Variants in INPP4A observed in about 807,000 individuals in gnomAD.
INPP4A encodes the protein inositol polyphosphate-4-phosphatase, type I, 107kD.
INPP4A carries 33 observed loss-of-function variants against 119.8 expected under a neutral mutation model. That is an observed-to-expected ratio of 0.28 (90% CI 0.21 to 0.37). The LOEUF (loss-of-function observed/expected upper bound fraction) is 0.37. Among genes scored for constraint, INPP4A ranks in the 10% least tolerant of loss-of-function variants. The pLI is 1.00. For missense variants in INPP4A, 956 were observed against 1,289.9 expected, an observed-to-expected ratio of 0.74 and a Z score of 3.97; for synonymous variants, 496 against 500.7, an observed-to-expected ratio of 0.99 and a Z score of 0.12.
chr2:98,572,551 G>A (rs1697657221), intron 22 of INPP4A, among the ~76,000 whole-genome samples: 1 of 152,260 alleles, frequency 6.6e-6, no homozygotes, highest in African/African-American at 2.4e-5. Flanking sequence ...AAGGAGTCCT[G>A]TAGGTGATTC....
chr2:98,486,672 A>G (rs1487372054), intron 1 of INPP4A, among the ~76,000 whole-genome samples: 1 of 152,262 alleles, frequency 6.6e-6, no homozygotes, highest in Non-Finnish European at 1.5e-5. Flanking sequence ...CAGGAGTAAA[A>G]TTAATTCTTA....
intron 1 of INPP4A, among the ~76,000 whole-genome samples, chr2:98,465,657 C>G (rs1674589167): frequency 6.6e-6 from 1 of 152,212 alleles, no homozygotes; most frequent in Non-Finnish European, 1.5e-5. Context: ...TGGTCCTTTC[C>G]TCTCCCAGAC....
chr2:98,532,983 A>G (rs1559020431), intron 4 of INPP4A, among the ~76,000 whole-genome samples: 1 of 152,206 alleles, frequency 6.6e-6, no homozygotes, highest in Non-Finnish European at 1.5e-5. Context: ...CACAGGATGC[A>G]AGCATGGGTA....
Position 98,460,100 on chromosome 2 carries a change from C to CGTGTGTGT in INPP4A, c.-166+15040_-166+15047dup, listed in dbSNP as rs3066275. 1.3e-3 allele frequency among the ~76,000 whole-genome samples: 198 copies of CGTGTGTGT among 147,106 alleles called. 1 individual carries two copies. The highest frequency in any genetic ancestry group is 4.9e-3 in the African/African-American group (193 of 39,760). Reference sequence around the variant, plus strand: ...GTGCCACACCTTTGGGTTTGGTCATCGTGTGTGTGTGTGTGTGTGTGTGTG... The same window carrying CGTGTGTGT: ...GTGCCACACCTTTGGGTTTGGTCATCGTGTGTGTGTGTGTGTGTGTGTGTGTGTGTGTG... On this transcript the variant is annotated intron_variant, in intron 1 of 24. Transcript: ENST00000409851.
chr2:98,467,986 C>T (rs1004363691), intron 1 of INPP4A, among the ~76,000 whole-genome samples: 4 of 152,094 alleles, frequency 2.6e-5, no homozygotes, highest in African/African-American at 9.7e-5. Flanking sequence ...TTTTAGAGTA[C>T]AGCCTGTTGG....
chr2:98,498,688 C>T (rs1682532711), intron 1 of INPP4A, among the ~76,000 whole-genome samples: 2 of 152,062 alleles, frequency 1.3e-5, no homozygotes, highest in Admixed American at 6.6e-5. Context: ...AGTACTAACC[C>T]CCAATGTGAC....
intron 1 of INPP4A, among the ~76,000 whole-genome samples, chr2:98,450,353 G>T (rs1410575283): frequency 1.3e-5 from 2 of 152,128 alleles, no homozygotes; most frequent in Non-Finnish European, 2.9e-5. Context: ...TGATTACCTG[G>T]ATTTGCCAGT....
At chr2:98,477,533 A>G (rs867334104) in intron 1 of INPP4A, among the ~76,000 whole-genome samples, 3 of 152,234 alleles carry the variant, frequency 2.0e-5, no homozygotes, top group African/African-American at 4.8e-5. Flanking sequence ...CAGAGCCTCA[A>G]TGTCGGCGAG....
chr2:98,477,021 G>GTAA (rs1171788674), intron 1 of INPP4A, among the ~76,000 whole-genome samples: 2 of 152,198 alleles, frequency 1.3e-5, no homozygotes, highest in Non-Finnish European at 2.9e-5. Flanking sequence ...AGCAGGAGTG[G>GTAA]TAGTAGTAAT....
intron 1 of INPP4A, among the ~76,000 whole-genome samples, chr2:98,460,626 A>T (rs1456333405): frequency 6.6e-6 from 1 of 152,160 alleles, no homozygotes; most frequent in African/African-American, 2.4e-5. Flanking sequence ...CCTGTGCTCT[A>T]ACCACCAGTT....
chr2:98,518,196 C>G (rs1285267339), intron 1 of INPP4A, among the ~76,000 whole-genome samples: 1 of 152,210 alleles, frequency 6.6e-6, no homozygotes, highest in East Asian at 1.9e-4. Flanking sequence ...CACTTGTGTG[C>G]CTTTTGACGT....
intron 5 of INPP4A, among the ~76,000 whole-genome samples, chr2:98,534,359 G>A (rs1317889063): frequency 6.6e-6 from 1 of 152,198 alleles, no homozygotes; most frequent in Non-Finnish European, 1.5e-5. Flanking sequence ...CAGAGTATGG[G>A]AAGTATTGGA....
At chr2:98,581,224 A>G (rs1427668938) in intron 24 of INPP4A, among the ~76,000 whole-genome samples, 2 of 152,242 alleles carry the variant, frequency 1.3e-5, no homozygotes, top group Non-Finnish European at 2.9e-5. Context: ...GCCGGGCAGC[A>G]TGGAGTTGTG....
At chr2:98,532,942 G>T (rs1260301753) in intron 4 of INPP4A, among the ~76,000 whole-genome samples, 1 of 152,200 alleles carries the variant, frequency 6.6e-6, no homozygotes, top group Non-Finnish European at 1.5e-5. Context: ...GACACGTGGA[G>T]CACCATATGC....
chr2:98,493,213 G>A (rs144723054), intron 1 of INPP4A, among the ~76,000 whole-genome samples: 19 of 152,138 alleles, frequency 1.2e-4, no homozygotes, highest in Non-Finnish European at 2.1e-4. Flanking sequence ...TTTTGGAAAG[G>A]GTGAGCCCTT....
rs1193531752 is a variant in INPP4A, at chr2:98,592,468, C to T, written c.*4860C>T. On this transcript the variant is annotated 3_prime_UTR_variant, in exon 25 of 25. Transcript: ENST00000409851. Reference sequence around the variant, plus strand: ...TTATCGGGATCCATGATGGTTTTTACACTTTTAAAAGTGCCCTCTTCTCAG... The same window carrying T: ...TTATCGGGATCCATGATGGTTTTTATACTTTTAAAAGTGCCCTCTTCTCAG... 2 of 152,216 alleles carry T rather than the reference C, an allele frequency of 1.3e-5. No homozygotes were observed. Among genetic ancestry groups the T allele is most frequent in the African/African-American group, 4.8e-5 (2 of 41,452 alleles). 9.4% of individuals were successfully genotyped at this position (152,216 alleles called of 1,614,324 possible).
At chr2:98,493,731 C>T (rs1681334671) in intron 1 of INPP4A, among the ~76,000 whole-genome samples, 1 of 152,092 alleles carries the variant, frequency 6.6e-6, no homozygotes, top group Non-Finnish European at 1.5e-5. Context: ...TCTGGGGAGG[C>T]AGAACTCTAC....
intron 14 of INPP4A, among the ~76,000 whole-genome samples, chr2:98,553,536 C>T (rs764179968): frequency 4.6e-5 from 7 of 152,002 alleles, no homozygotes; most frequent in Non-Finnish European, 7.4e-5. Flanking sequence ...TCTCTCTCAG[C>T]GCACACAAAC....
chr2:98,542,634 C>T (rs1298133547), intron 10 of INPP4A, among the ~76,000 whole-genome samples: 6 of 152,150 alleles, frequency 3.9e-5, no homozygotes, highest in African/African-American at 7.2e-5. Flanking sequence ...CTTCCCAGTC[C>T]CCATTTTCCT....
Sources: gnomAD v4.1 joint callset for allele counts (sites outside exome capture counted in the v4.1 genomes callset) on GRCh38, gnomAD v4.1.1 for gene constraint, MANE v1.5 for transcripts, NCBI Gene and HGNC (gene_info 2026-07-23, HGNC 2026-07-21) for gene names.